The following DHX34 variants were observed in gnomAD, a reference collection of about 807,000 sequenced individuals.
DHX34 encodes DExH-box helicase 34, also known as probable ATP-dependent RNA helicase DHX34.
Under a neutral mutation model 111.1 loss-of-function variants are expected in DHX34, and 96 were observed. That is an observed-to-expected ratio of 0.86 (90% CI 0.73 to 1.02). DHX34 has a LOEUF of 1.02. Ranked by LOEUF, DHX34 falls within the 50% of genes least tolerant of loss-of-function variation. The pLI is 0.00. For missense variants in DHX34, 1,560 were observed against 1,579.9 expected (o/e 0.99, Z 0.21); for synonymous variants, 688 against 670.4 (o/e 1.03, Z -0.41).
chr19:47,372,915 T>TTCAAC lies in DHX34; in HGVS notation c.1954_1955insTCAAC (p.Trp652PhefsTer6). The TTCAAC allele has an allele frequency of 6.3e-7, 1 of 1,596,198 alleles. No individual in the cohort carries two copies. The highest frequency in any genetic ancestry group is 2.2e-5 in the East Asian group (1 of 44,652). On this transcript the variant is annotated frameshift_variant, in exon 8 of 17. Coordinates refer to ENST00000328771, the MANE Select transcript of DHX34 (RefSeq NM_014681.6). LOFTEE classifies it high-confidence loss of function. ...CACGCTCTTCAACGTCTTCAACGCCTGGGTGCAGGTGAGGCTGGTGGTGGG... is the reference window on the plus strand; with the variant it reads ...CACGCTCTTCAACGTCTTCAACGCCTTCAACGGGTGCAGGTGAGGCTGGTGGTGGG...
At chr19:47,369,488 T>C (rs1969901407) in intron 7 of DHX34, among the ~76,000 whole-genome samples, 1 of 152,176 alleles carries the variant, frequency 6.6e-6, no homozygotes, top group South Asian at 2.1e-4. Flanking sequence ...CAGGTCCTAG[T>C]CTAGATGCCA....
chr19:47,370,115 T>G (rs1969920160), intron 7 of DHX34, among the ~76,000 whole-genome samples: 1 of 152,178 alleles, frequency 6.6e-6, no homozygotes, highest in African/African-American at 2.4e-5. Context: ...AGGCTGGGTG[T>G]GGCCTGTGGT....
chr19:47,372,011 C>T (rs866564573), intron 7 of DHX34, among the ~76,000 whole-genome samples: 28 of 151,080 alleles, frequency 1.9e-4, no homozygotes, highest in East Asian at 7.9e-4. Flanking sequence ...TCTAGATGCC[C>T]GCTGTGGAGC....
At chr19:47,371,343 C>T (rs951241678) in intron 7 of DHX34, among the ~76,000 whole-genome samples, 6 of 152,266 alleles carry the variant, frequency 3.9e-5, no homozygotes, top group Non-Finnish European at 8.8e-5. Flanking sequence ...ACGGATGACC[C>T]TGTGCTGGGC....
At position 47,353,604 on chromosome 19, in the gene DHX34, T is replaced by C; in HGVS notation, c.574T>C (p.Ser192Pro). The C allele has an allele frequency of 6.2e-7, 1 of 1,613,184 alleles. No individual in the cohort carries two copies. Among genetic ancestry groups the C allele is most frequent in the East Asian group, 2.2e-5 (1 of 44,872 alleles). ...GGCCGGTGACACCGGCTGTGGCAAG[T>C]CCACTCAGGTGCCCCAGTACCTGCT... ...VVAGDTGCGK[S>P]TQVPQYLLAA... The change falls in exon 2 of 17, where the codon TCC (serine) becomes CCC (proline). Residue 192 changes from serine to proline, a missense_variant. Coordinates refer to ENST00000328771, the MANE Select transcript of DHX34 (RefSeq NM_014681.6). This position sits in a 1 kb window ranked among gnomAD's most constrained non-coding sequence, Gnocchi z 4.6.
chr19:47,372,675 A>AGGGCTGC (rs1210573967), intron 7 of DHX34, 55 bp from the exon 8 acceptor site: 7 of 1,494,284 alleles, frequency 4.7e-6, no homozygotes, highest in Middle Eastern at 2.1e-4. Context: ...CCGAGGGGTG[A>AGGGCTGC]GGGCTGCGCC....
At chr19:47,379,042 T>C (rs568943745) in intron 13 of DHX34, among the ~76,000 whole-genome samples, 2 of 151,866 alleles carry the variant, frequency 1.3e-5, no homozygotes, top group East Asian at 3.9e-4. Context: ...GGCAGGAAAA[T>C]CGCTTGAACC....
intron 4 of DHX34, among the ~76,000 whole-genome samples, chr19:47,358,677 T>C (rs980020335): frequency 2.6e-5 from 4 of 152,186 alleles, no homozygotes; most frequent in East Asian, 3.9e-4. Flanking sequence ...TGCAGTGGCA[T>C]GATCGTGGCT....
At chr19:47,378,269 G>A (rs1217140651) in intron 13 of DHX34, among the ~76,000 whole-genome samples, 1 of 151,964 alleles carries the variant, frequency 6.6e-6, no homozygotes, top group Non-Finnish European at 1.5e-5. Flanking sequence ...CACCTCCCTC[G>A]AGCCCGTCTG....
At chr19:47,371,756 C>A (rs1969971884) in intron 7 of DHX34, among the ~76,000 whole-genome samples, 1 of 152,126 alleles carries the variant, frequency 6.6e-6, no homozygotes, top group African/African-American at 2.4e-5. Flanking sequence ...CCTGCCACCA[C>A]ACCCAGCTAA....
At chr19:47,381,448 C>T in intron 16 of DHX34, 124 bp downstream of exon 16, 1 of 1,382,538 alleles carries the variant, frequency 7.2e-7, no homozygotes, top group Non-Finnish European at 9.7e-7. Flanking sequence ...CCCGCTGGCC[C>T]TGGCTGGTGC....
In DHX34 at chr19:47,380,798, C is replaced by T. The variant is rs756169995; in HGVS notation, c.2983-18C>T. ...CCCTGAGTCTGTCTCTCTCCATTTC[C>T]TGTCTCTCCTTCCTTAGATTCCTTA... On this transcript the variant is annotated intron_variant, in intron 14 of 16. Coordinates refer to ENST00000328771, the MANE Select transcript of DHX34 (RefSeq NM_014681.6). 4 of 1,613,536 alleles carry T rather than the reference C, an allele frequency of 2.5e-6. No homozygotes were observed.
Position 47,353,816 on chromosome 19 carries a change from T to C in DHX34, c.705+81T>C. The C allele has an allele frequency of 2.3e-6, 3 of 1,308,964 alleles. 1 individual carries two copies. In the South Asian group the frequency reaches 4.6e-5, roughly 20 times the overall value. 81.1% of individuals were successfully genotyped at this position (1,308,964 alleles called of 1,614,324 possible). ...TTGCTTGTCCATATGGCAGTATCAA[T>C]AAAAATGAAGCACTTACCCTTGGAC... is the stretch of plus-strand genomic sequence containing the variant. On this transcript the variant is annotated intron_variant, in intron 2 of 16. Coordinates refer to ENST00000328771, the MANE Select transcript of DHX34 (RefSeq NM_014681.6). This position sits in a 1 kb window ranked among gnomAD's most constrained non-coding sequence, Gnocchi z 4.6.
intron 6 of DHX34, chr19:47,366,731 C>T (rs1186653773): frequency 5.3e-6 from 3 of 563,550 alleles, no homozygotes; most frequent in East Asian, 1.5e-4. Context: ...CAGTCATGCA[C>T]CACCACTAAT....
chr19:47,361,322 G>A (rs996801112), intron 5 of DHX34, among the ~76,000 whole-genome samples: 3 of 151,866 alleles, frequency 2.0e-5, no homozygotes, highest in African/African-American at 7.3e-5. Flanking sequence ...GCCAGGCATG[G>A]TAGTGCGTGC....
intron 7 of DHX34, among the ~76,000 whole-genome samples, chr19:47,372,180 C>T (rs999494396): frequency 3.9e-5 from 6 of 151,978 alleles, no homozygotes; most frequent in African/African-American, 1.4e-4. Flanking sequence ...ATGTCTTCGC[C>T]TTCTGTCCCC....
Position 47,382,269 on chromosome 19 carries a change from A to C in DHX34, c.*156A>C. The C allele has an allele frequency of 1.1e-5, 15 of 1,309,244 alleles. No homozygotes were observed. The highest frequency in any genetic ancestry group is 1.5e-5 in the South Asian group (1 of 64,540). 81.1% of individuals were successfully genotyped at this position (1,309,244 alleles called of 1,614,324 possible). A position where few individuals can be genotyped will look rare whatever the true frequency, so the allele number is the denominator to read the frequency against. On this transcript the variant is annotated 3_prime_UTR_variant, in exon 17 of 17. Coordinates refer to ENST00000328771, the MANE Select transcript of DHX34 (RefSeq NM_014681.6). ...GAGCACGGATTGTGAATAAAGCCTCACATGCTGATACACACTGTTAGGCCT... is the reference window on the plus strand; with the variant it reads ...GAGCACGGATTGTGAATAAAGCCTCCCATGCTGATACACACTGTTAGGCCT...
intron 1 of DHX34, among the ~76,000 whole-genome samples, chr19:47,352,031 A>T (rs528557703): frequency 5.9e-5 from 9 of 152,336 alleles, no homozygotes; most frequent in African/African-American, 2.2e-4. Flanking sequence ...CCCTTGCCTT[A>T]TTCTTTTCAT....
Position 47,353,219 on chromosome 19 carries a change from C to G in DHX34, c.189C>G (p.Phe63Leu). The G allele has an allele frequency of 6.2e-7, 1 of 1,614,170 alleles. No homozygotes were observed. The highest frequency in any genetic ancestry group is 8.5e-7 in the Non-Finnish European group (1 of 1,180,034). Reference protein sequence around the residue: ...GSEECQKFWTFFERLQRFQNL... With the variant: ...GSEECQKFWTLFERLQRFQNL... Reference sequence around the variant, plus strand: ...AGGAATGTCAGAAGTTTTGGACCTTCTTTGAACGCCTGCAGAGATTCCAGA... The same window carrying G: ...AGGAATGTCAGAAGTTTTGGACCTTGTTTGAACGCCTGCAGAGATTCCAGA... The change falls in exon 2 of 17, where the codon TTC becomes TTG. Residue 63 changes from phenylalanine to leucine, a missense_variant. Coordinates refer to ENST00000328771, the MANE Select transcript of DHX34 (RefSeq NM_014681.6). The surrounding 1 kb of genome is among the most constrained non-coding windows in gnomAD (Gnocchi z 4.6).
Sources: gnomAD v4.1 joint callset for allele counts (sites outside exome capture counted in the v4.1 genomes callset) on GRCh38, gnomAD v4.1.1 for gene constraint, Gnocchi (gnomAD v3.1) non-coding constraint, MANE v1.5 for transcripts, NCBI Gene and HGNC (gene_info 2026-07-23, HGNC 2026-07-21) for gene names.